Variants in PCSK6 observed in about 807,000 individuals in gnomAD.
PCSK6 encodes the protein paired basic amino acid cleaving enzyme 4.
Under a neutral mutation model 123.3 loss-of-function variants are expected in PCSK6, and 85 were observed. The observed-to-expected ratio is 0.69, with a 90% CI of 0.58 to 0.83. The LOEUF (loss-of-function observed/expected upper bound fraction) is 0.83, where lower values mean the gene tolerates loss of function less well. Ranked by LOEUF, PCSK6 falls within the 40% of genes least tolerant of loss-of-function variation. The probability of loss-of-function intolerance (pLI) is 0.00; values close to 1 mark genes in which losing one functional copy is unlikely to be tolerated. For missense variants in PCSK6, 1,191 were observed against 1,282.3 expected (o/e 0.93, Z 1.09); for synonymous variants, 508 against 516.0 (o/e 0.98, Z 0.21).
chr15:101,453,891 A>G lies in PCSK6; in HGVS notation c.298-10231T>C, dbSNP rs566808860. ...GGGCAGCTCTGCTCGTGAAGAGTGGACTGTGTCTGTGACCTTGAGCACCAA... is the reference window on the plus strand; with the variant it reads ...GGGCAGCTCTGCTCGTGAAGAGTGGGCTGTGTCTGTGACCTTGAGCACCAA... On this transcript the variant is annotated intron_variant, in intron 1 of 21. Transcript: ENST00000611716. Among the ~76,000 whole-genome samples the G allele has an allele frequency of 7.2e-5, 11 of 152,330 alleles. No individual in the cohort carries two copies. The East Asian group carries it at 2.1e-3, about 29-fold the overall frequency.
At chr15:101,467,925 G>A (rs1176494228) in intron 1 of PCSK6, among the ~76,000 whole-genome samples, 3 of 152,216 alleles carry the variant, frequency 2.0e-5, no homozygotes, top group African/African-American at 7.2e-5. Flanking sequence ...CAAGGAACGC[G>A]TAGGTAATAC....
At chr15:101,367,340 CA>C (rs1377253061) in intron 12 of PCSK6, among the ~76,000 whole-genome samples, 4 of 152,174 alleles carry the variant, frequency 2.6e-5, no homozygotes, top group African/African-American at 7.2e-5. Context: ...TTGGAATAAA[CA>C]TTTTTTTTAA....
intron 6 of PCSK6, among the ~76,000 whole-genome samples, chr15:101,421,037 T>C (rs2056068433): frequency 6.6e-6 from 1 of 151,980 alleles, no homozygotes; most frequent in Admixed American, 6.6e-5. Context: ...ACCTCCACCT[T>C]ACAGGTTCAA....
intron 1 of PCSK6, among the ~76,000 whole-genome samples, chr15:101,475,664 T>C (rs2057713243): frequency 2.7e-5 from 4 of 150,200 alleles, no homozygotes; most frequent in African/African-American, 9.8e-5. Context: ...TTTTTTTTTT[T>C]TTTTTTTGTA....
intron 13 of PCSK6, among the ~76,000 whole-genome samples, chr15:101,360,227 C>T (rs1368561134): frequency 2.0e-5 from 3 of 152,178 alleles, no homozygotes; most frequent in African/African-American, 7.2e-5. Context: ...GGCTTCCCCG[C>T]CTTTGTTCCT....
At chr15:101,484,938 C>G (rs1311594627) in intron 1 of PCSK6, among the ~76,000 whole-genome samples, 1 of 152,162 alleles carries the variant, frequency 6.6e-6, no homozygotes, top group East Asian at 1.9e-4. Flanking sequence ...ATACAAGTCT[C>G]TTTGTGCACA....
At chr15:101,475,579 G>A (rs1596377179) in intron 1 of PCSK6, among the ~76,000 whole-genome samples, 1 of 151,982 alleles carries the variant, frequency 6.6e-6, no homozygotes, top group African/African-American at 2.4e-5. Context: ...TCAACCTCCT[G>A]GGCTCAAGGA....
At chr15:101,434,265 C>T (rs2056532565) in intron 2 of PCSK6, among the ~76,000 whole-genome samples, 1 of 152,222 alleles carries the variant, frequency 6.6e-6, no homozygotes, top group South Asian at 2.1e-4. Context: ...ATGTCCCGCC[C>T]TCCTGCCAGG....
Position 101,397,558 on chromosome 15 carries a change from G to A in PCSK6, c.996+846C>T, listed in dbSNP as rs116935318. The stretch of plus-strand genomic sequence containing the variant: ...CTGGACTTCCTGCTGGAACTCCCCT[G>A]GTCCCCACTCCCTACAGCAGTCACT... On this transcript the variant is annotated intron_variant, in intron 7 of 21. Coordinates refer to ENST00000611716, the MANE Select transcript of PCSK6 (RefSeq NM_002570.5). Among the ~76,000 whole-genome samples, 368 of 151,726 alleles carry A rather than the reference G, an allele frequency of 2.4e-3. 12 individuals carry two copies. In the East Asian group the frequency reaches 0.06, roughly 25 times the overall value.
rs74032457 is a variant in PCSK6 at position 101,360,530 on chromosome 15, C to G, written c.1858+5666G>C. 2.9e-3 allele frequency among the ~76,000 whole-genome samples: 320 copies of G among 108,868 alleles called. 2 individuals carry two copies. The highest frequency in any genetic ancestry group is 0.011 in the East Asian group (33 of 2,936). The allele number at this position is 108,868 out of a possible 152,430, so 71.4% of individuals were successfully genotyped here. A position where few individuals can be genotyped will look rare whatever the true frequency, so the allele number is the denominator to read the frequency against. On this transcript the variant is annotated intron_variant, in intron 13 of 21. Transcript: ENST00000611716. ...CATCCCCTGGAACACACCAGACACA[C>G]TCCTGCCCGGGGGCCTTAGCATCCC... is the stretch of plus-strand genomic sequence containing the variant.
At chr15:101,428,251 G>A (rs1188875218) in intron 5 of PCSK6, among the ~76,000 whole-genome samples, 4 of 152,014 alleles carry the variant, frequency 2.6e-5, no homozygotes, top group Non-Finnish European at 4.4e-5. Context: ...CCCCATGTGG[G>A]AGGAAGGTGC....
chr15:101,412,862 C>T (rs1244405175), intron 6 of PCSK6, among the ~76,000 whole-genome samples: 1 of 151,626 alleles, frequency 6.6e-6, no homozygotes, highest in Non-Finnish European at 1.5e-5. Flanking sequence ...GTGGCTCACA[C>T]CTGTAATCCC....
intron 1 of PCSK6, among the ~76,000 whole-genome samples, chr15:101,488,980 G>A (rs1368702804): frequency 6.7e-6 from 1 of 150,312 alleles, no homozygotes; most frequent in African/African-American, 2.4e-5. Context: ...TGGGCGCCCA[G>A]GACCCAGCGG....
At chr15:101,312,932 G>A in intron 20 of PCSK6, 1 of 623,840 alleles carries the variant, frequency 1.6e-6, no homozygotes, top group South Asian at 4.5e-5. Flanking sequence ...TTGAATCCCA[G>A]AGGCAGAGGT....
At chr15:101,451,264 C>T (rs548645336) in intron 1 of PCSK6, among the ~76,000 whole-genome samples, 47 of 151,978 alleles carry the variant, frequency 3.1e-4, no homozygotes, top group African/African-American at 1.1e-3. Flanking sequence ...AGAAGCACGC[C>T]GAATCTACCC....
At chr15:101,319,601 T>G (rs2040070033) in intron 18 of PCSK6, among the ~76,000 whole-genome samples, 1 of 152,178 alleles carries the variant, frequency 6.6e-6, no homozygotes, top group Non-Finnish European at 1.5e-5. Context: ...CTGACTTCCC[T>G]CCTGGGAGGT....
intron 19 of PCSK6, among the ~76,000 whole-genome samples, chr15:101,317,180 G>A (rs1172288590): frequency 2.6e-5 from 4 of 152,114 alleles, no homozygotes; most frequent in East Asian, 1.9e-4. Flanking sequence ...CCAAAGTGCC[G>A]GGATTACAGG....
intron 2 of PCSK6, among the ~76,000 whole-genome samples, chr15:101,442,917 A>G (rs1337868253): frequency 6.6e-6 from 1 of 152,172 alleles, no homozygotes; most frequent in Non-Finnish European, 1.5e-5. Context: ...AGCCAGCCAC[A>G]TGGAAGGTAT....
chr15:101,459,505 T>G, intron 1 of PCSK6, among the ~76,000 whole-genome samples: 1 of 105,850 alleles, frequency 9.4e-6, no homozygotes, highest in African/African-American at 4.4e-5. Context: ...GCTGCCACCG[T>G]TCCCGTCCCC....
Sources: gnomAD v4.1 joint callset for allele counts (sites outside exome capture counted in the v4.1 genomes callset) on GRCh38, gnomAD v4.1.1 for gene constraint, MANE v1.5 for transcripts, NCBI Gene and HGNC (gene_info 2026-07-23, HGNC 2026-07-21) for gene names.